Variants in NAP1L4 observed in about 807,000 individuals in gnomAD.
NAP1L4 encodes the protein nucleosome assembly protein 1-like 4.
In NAP1L4, 15 loss-of-function variants were observed where a neutral mutation model predicts 58.2. That is an observed-to-expected ratio of 0.26 (90% CI 0.17 to 0.40). NAP1L4 has a LOEUF of 0.40. NAP1L4 is among the 10% of genes least tolerant of loss of function. The pLI is 1.00. For missense variants in NAP1L4, 384 were observed against 451.1 expected, an observed-to-expected ratio of 0.85 and a Z score of 1.35; for synonymous variants, 171 against 155.6, an observed-to-expected ratio of 1.10 and a Z score of -0.74.
chr11:2,951,902 C>G lies in NAP1L4; in HGVS notation c.1036-93G>C. 1 of 1,278,708 alleles carries G rather than the reference C, an allele frequency of 7.8e-7. No homozygotes were observed. The highest frequency in any genetic ancestry group is 1.1e-6 in the Non-Finnish European group (1 of 882,428). The allele number at this position is 1,278,708 out of a possible 1,614,324, so 79.2% of individuals were successfully genotyped here. On this transcript the variant is annotated intron_variant, in intron 12 of 15. Transcript: ENST00000380542. This position sits in a 1 kb window ranked among gnomAD's most constrained non-coding sequence, Gnocchi z 4.0. ...CCCATCAAGTGACTCACTGACCAAG[C>G]CTAAGAGGAGCAGAAAGTCCAGCCA... is the stretch of plus-strand genomic sequence containing the variant.
intron 1 of NAP1L4, among the ~76,000 whole-genome samples, chr11:2,987,793 T>C (rs1454524206): frequency 1.4e-5 from 2 of 142,646 alleles, no homozygotes; most frequent in African/African-American, 2.6e-5. Context: ...GAATAATACA[T>C]GTTTGCCCAC....
intron 1 of NAP1L4, among the ~76,000 whole-genome samples, chr11:2,988,510 G>C (rs1848779595): frequency 1.3e-5 from 2 of 152,212 alleles, no homozygotes; most frequent in Admixed American, 1.3e-4. Context: ...CCAGTACATA[G>C]AAGATGCTCA....
At chr11:2,989,575 G>C (rs2134034851) in intron 1 of NAP1L4, among the ~76,000 whole-genome samples, 1 of 152,252 alleles carries the variant, frequency 6.6e-6, no homozygotes, top group East Asian at 1.9e-4. Context: ...AGGAAGAAAA[G>C]CACTACTATA....
Position 2,958,559 on chromosome 11 carries a change from C to T in NAP1L4, c.747-15G>A. 6.2e-7 allele frequency: 1 copy of T among 1,611,258 alleles called. No homozygotes were observed. The highest frequency in any genetic ancestry group is 1.1e-5 in the South Asian group (1 of 90,354). ...CAATAGTACACCTACCAGGACAAGA[C>T]AGCTGTCAGGAACACACAATCCATG... On this transcript the variant is annotated splice_polypyrimidine_tract_variant and intron_variant, in intron 9 of 15. Transcript: ENST00000380542.
intron 6 of NAP1L4, among the ~76,000 whole-genome samples, chr11:2,970,848 ACCC>A (rs78730766): frequency 0.22 from 31,736 of 141,890 alleles, 4,129 homozygotes; most frequent in African/African-American, 0.37. Flanking sequence ...ATCATATACC[ACCC>A]CCCCCCCAAA....
At chr11:2,990,875 T>C (rs1028750062) in intron 1 of NAP1L4, 1 of 331,218 alleles carries the variant, frequency 3.0e-6, no homozygotes. Context: ...GTATAGTTAC[T>C]ATTACAGGAA....
chr11:2,983,851 T>C (rs925337261), intron 1 of NAP1L4: 3 of 150,444 alleles, frequency 2.0e-5, no homozygotes, highest in Non-Finnish European at 4.4e-5. Context: ...TAGCCAGGCA[T>C]GGTGGTGTGA....
intron 7 of NAP1L4, among the ~76,000 whole-genome samples, chr11:2,969,595 C>T (rs1402251624): frequency 6.6e-6 from 1 of 152,218 alleles, no homozygotes; most frequent in Non-Finnish European, 1.5e-5. Flanking sequence ...CCACCAAGAA[C>T]TGCAAAAGAC....
At chr11:2,973,784 ATT>A (rs1403827795) in intron 4 of NAP1L4, among the ~76,000 whole-genome samples, 1 of 152,078 alleles carries the variant, frequency 6.6e-6, no homozygotes, top group East Asian at 1.9e-4. Context: ...TCATTCATTT[ATT>A]GTGACAGGAT....
At position 2,951,456 on chromosome 11, in the gene NAP1L4, T is replaced by G; in HGVS notation, c.1066-141A>C. The G allele has an allele frequency of 1.3e-6, 1 of 748,196 alleles. No individual in the cohort carries two copies. Among genetic ancestry groups the G allele is most frequent in the South Asian group, 1.7e-5 (1 of 60,324 alleles). The allele number at this position is 748,196 out of a possible 1,614,324, so 46.3% of individuals were successfully genotyped here. On this transcript the variant is annotated intron_variant, in intron 13 of 15. Transcript: ENST00000380542. The surrounding 1 kb of genome is among the most constrained non-coding windows in gnomAD (Gnocchi z 4.0). ...CCCACAAGTGACTCATCACTTCCTT[T>G]GGACACTTAGAATTATTTCTAGGTA... is the stretch of plus-strand genomic sequence containing the variant.
At chr11:2,975,292 GAAC>G (rs768066494) in intron 4 of NAP1L4, among the ~76,000 whole-genome samples, 5 of 152,086 alleles carry the variant, frequency 3.3e-5, no homozygotes, top group Admixed American at 6.6e-5. Context: ...ACTCCAGCCT[GAAC>G]AACAGTGAGA....
intron 7 of NAP1L4, among the ~76,000 whole-genome samples, chr11:2,965,407 A>C (rs1847211738): frequency 6.6e-6 from 1 of 152,176 alleles, no homozygotes; most frequent in African/African-American, 2.4e-5. Context: ...GATGGTACTT[A>C]TTTGTGTATC....
intron 4 of NAP1L4, among the ~76,000 whole-genome samples, chr11:2,973,900 T>C (rs1408814061): frequency 1.3e-5 from 2 of 152,014 alleles, no homozygotes; most frequent in African/African-American, 2.4e-5. Flanking sequence ...TCCTGAATAG[T>C]TGGACTACAG....
In NAP1L4 at chr11:2,954,790, A is replaced by C. The variant is rs1846437091; in HGVS notation, c.916-144T>G. ...CCTGCACTGCTGGGGGACAGCCACT[A>C]GACACTCAAAGCCCCTTTAAAACAA... is the stretch of plus-strand genomic sequence containing the variant. On this transcript the variant is annotated intron_variant, in intron 11 of 15. Transcript: ENST00000380542. The surrounding 1 kb of genome is among the most constrained non-coding windows in gnomAD (Gnocchi z 4.8). 9.8e-7 allele frequency: 1 copy of C among 1,024,716 alleles called. No homozygotes were observed. Among genetic ancestry groups the C allele is most frequent in the Non-Finnish European group, 1.5e-6 (1 of 678,776 alleles). 63.5% of individuals were successfully genotyped at this position (1,024,716 alleles called of 1,614,324 possible).
At position 2,954,674 on chromosome 11, in the gene NAP1L4, T is replaced by G. The variant is rs369435227; in HGVS notation, c.916-28A>C. On this transcript the variant is annotated intron_variant, in intron 11 of 15. Coordinates refer to ENST00000380542, the MANE Select transcript of NAP1L4 (RefSeq NM_005969.4). The surrounding 1 kb of genome is among the most constrained non-coding windows in gnomAD (Gnocchi z 4.8). ...GAGGAGGAAAAACCTACGTGTTAAC[T>G]CATTTTAATGGGATAAAAACATTCA... 2.5e-6 allele frequency: 4 copies of G among 1,614,066 alleles called. No homozygotes were observed. The South Asian group carries it at 3.3e-5, about 13-fold the overall frequency.
chr11:2,945,919 G>A (rs910552481), intron 15 of NAP1L4, among the ~76,000 whole-genome samples: 3 of 152,168 alleles, frequency 2.0e-5, no homozygotes, highest in East Asian at 1.9e-4. Flanking sequence ...GCTCCTTGGG[G>A]TGGTGGAGCT....
chr11:2,958,344 G>A, intron 10 of NAP1L4, 55 bp downstream of exon 10: 1 of 1,587,684 alleles, frequency 6.3e-7, no homozygotes, highest in Non-Finnish European at 8.6e-7. Flanking sequence ...TCTATCAGGT[G>A]ACCAAAATTA....
rs1846491541 is a variant in NAP1L4 at position 2,955,596 on chromosome 11, C to T, written c.915+148G>A. 6.9e-6 allele frequency: 5 copies of T among 727,528 alleles called. No homozygotes were observed. Among genetic ancestry groups the T allele is most frequent in the African/African-American group, 5.4e-5 (3 of 55,940 alleles). The allele number at this position is 727,528 out of a possible 1,614,324, so 45.1% of individuals were successfully genotyped here. On this transcript the variant is annotated intron_variant, in intron 11 of 15. Coordinates refer to ENST00000380542, the MANE Select transcript of NAP1L4 (RefSeq NM_005969.4). The surrounding 1 kb of genome is among the most constrained non-coding windows in gnomAD (Gnocchi z 4.2). ...CAAACTCCTGGACTCGTGCAGTCCT[C>T]CCACCTCAGCCTCCCAAAGCATTAA...
At chr11:2,980,381 G>A (rs930918327) in intron 1 of NAP1L4, among the ~76,000 whole-genome samples, 5 of 152,040 alleles carry the variant, frequency 3.3e-5, no homozygotes, top group African/African-American at 1.2e-4. Context: ...GATAGGGTCT[G>A]GCTAAGTTGC....
Sources: allele counts gnomAD v4.1 joint callset (sites outside exome capture counted in the v4.1 genomes callset), GRCh38; gene constraint gnomAD v4.1.1; non-coding constraint Gnocchi (gnomAD v3.1); transcripts MANE v1.5; gene names NCBI Gene and HGNC (gene_info 2026-07-23, HGNC 2026-07-21).